The following CAMK4 variants were observed in gnomAD, a reference collection of about 807,000 sequenced individuals.
CAMK4 encodes the protein calcium/calmodulin-dependent protein kinase type IV.
CAMK4 carries 22 observed loss-of-function variants against 44.9 expected under a neutral mutation model. That is an observed-to-expected ratio of 0.49 (90% CI 0.35 to 0.70). The LOEUF (loss-of-function observed/expected upper bound fraction) is 0.70. Ranked by LOEUF, CAMK4 falls within the 30% of genes least tolerant of loss-of-function variation. The pLI is 0.01. For synonymous variants in CAMK4, 218 were observed against 215.4 expected, an observed-to-expected ratio of 1.01 and a Z score of -0.11; for missense variants, 498 against 586.8, an observed-to-expected ratio of 0.85 and a Z score of 1.56.
intron 7 of CAMK4, among the ~76,000 whole-genome samples, chr5:111,461,008 G>T (rs918529188): frequency 6.6e-6 from 1 of 151,994 alleles, no homozygotes; most frequent in South Asian, 2.1e-4. Flanking sequence ...TAATTCTTGC[G>T]GTAAGGAAGA....
At chr5:111,248,449 CT>C (rs2112534456) in intron 1 of CAMK4, among the ~76,000 whole-genome samples, 1 of 151,292 alleles carries the variant, frequency 6.6e-6, no homozygotes, top group Admixed American at 6.6e-5. Context: ...TTAGCACTTA[CT>C]TTTTAATGTG....
intron 1 of CAMK4, among the ~76,000 whole-genome samples, chr5:111,274,653 GA>G (rs1178271904): frequency 1.3e-5 from 2 of 152,138 alleles, no homozygotes; most frequent in East Asian, 1.9e-4. Context: ...TAATAGGACA[GA>G]AAAAAATAGC....
chr5:111,435,929 T>G (rs1753629584), intron 5 of CAMK4, among the ~76,000 whole-genome samples: 1 of 152,218 alleles, frequency 6.6e-6, no homozygotes, highest in African/African-American at 2.4e-5. Context: ...TATATACAAA[T>G]AAATATTATA....
chr5:111,464,799 C>T (rs900051752), intron 7 of CAMK4, among the ~76,000 whole-genome samples: 10 of 152,176 alleles, frequency 6.6e-5, no homozygotes, highest in Admixed American at 2.0e-4. Context: ...CCATAATCCT[C>T]AACTTAGTTT....
At chr5:111,434,353 T>G (rs1753572312) in intron 5 of CAMK4, among the ~76,000 whole-genome samples, 1 of 150,106 alleles carries the variant, frequency 6.7e-6, no homozygotes, top group African/African-American at 2.5e-5. Context: ...GTAGTGACAA[T>G]GTAAATGGGA....
At chr5:111,468,933 G>A (rs1005128180) in intron 7 of CAMK4, among the ~76,000 whole-genome samples, 6 of 151,430 alleles carry the variant, frequency 4.0e-5, no homozygotes, top group South Asian at 2.1e-4. Flanking sequence ...AGCTGAGATC[G>A]TGCCGCTGTA....
intron 1 of CAMK4, among the ~76,000 whole-genome samples, chr5:111,337,506 C>CT (rs34136669): frequency 0.058 from 7,582 of 131,086 alleles, 587 homozygotes; most frequent in African/African-American, 0.18. Context: ...CCTTGCCAGC[C>CT]TTTTTTTTTT....
chr5:111,373,377 G>T (rs1234435692), intron 2 of CAMK4, among the ~76,000 whole-genome samples: 1 of 151,794 alleles, frequency 6.6e-6, no homozygotes. Flanking sequence ...TTTAAATGAG[G>T]TACTCTAGGG....
intron 1 of CAMK4, among the ~76,000 whole-genome samples, chr5:111,330,867 TG>T (rs35604329): frequency 6.6e-6 from 1 of 151,568 alleles, no homozygotes; most frequent in Non-Finnish European, 1.5e-5. Flanking sequence ...GGCAGTGCAA[TG>T]GGGAAAGAAA....
intron 7 of CAMK4, among the ~76,000 whole-genome samples, chr5:111,453,005 A>G (rs1157450944): frequency 6.6e-6 from 1 of 152,250 alleles, no homozygotes; most frequent in African/African-American, 2.4e-5. Flanking sequence ...AAATGTAATT[A>G]CTATTATATA....
intron 1 of CAMK4, among the ~76,000 whole-genome samples, chr5:111,230,800 TTCTTTTTTTCC>T (rs1481336908): frequency 2.6e-5 from 4 of 152,122 alleles, no homozygotes; most frequent in Admixed American, 1.3e-4. Context: ...AATATTTTTT[TTCTTTTTTTCC>T]TCTTTTTTTT....
At chr5:111,287,045 T>C (rs1372699635) in intron 1 of CAMK4, among the ~76,000 whole-genome samples, 1 of 152,226 alleles carries the variant, frequency 6.6e-6, no homozygotes, top group Non-Finnish European at 1.5e-5. Context: ...ATCACCTCTT[T>C]GTTAAAAGAT....
intron 3 of CAMK4, among the ~76,000 whole-genome samples, chr5:111,375,752 C>A (rs1751191091): frequency 6.6e-6 from 1 of 152,144 alleles, no homozygotes; most frequent in Non-Finnish European, 1.5e-5. Flanking sequence ...GCTGCTGTTC[C>A]AGAACCCAAA....
intron 8 of CAMK4, among the ~76,000 whole-genome samples, chr5:111,474,210 A>C (rs1755159788): frequency 6.6e-6 from 1 of 152,202 alleles, no homozygotes; most frequent in Non-Finnish European, 1.5e-5. Context: ...AATTTAGAGA[A>C]ATTTTGAAGG....
intron 1 of CAMK4, among the ~76,000 whole-genome samples, chr5:111,279,682 T>A (rs189613978): frequency 6.6e-6 from 1 of 151,524 alleles, no homozygotes; most frequent in East Asian, 1.9e-4. Context: ...ATGGTACTCA[T>A]TATATTGCTT....
intron 7 of CAMK4, among the ~76,000 whole-genome samples, chr5:111,461,959 A>G (rs2112468194): frequency 6.6e-6 from 1 of 152,214 alleles, no homozygotes; most frequent in East Asian, 1.9e-4. Context: ...GAGTGGAAAG[A>G]ATTTTGAAAC....
At chr5:111,321,036 G>A (rs776170518) in intron 1 of CAMK4, among the ~76,000 whole-genome samples, 1 of 152,156 alleles carries the variant, frequency 6.6e-6, no homozygotes, top group Non-Finnish European at 1.5e-5. Flanking sequence ...TTATAAAGAG[G>A]TGACATGAAA....
In CAMK4 at chr5:111,484,719, C is replaced by CTTTAA. The variant is rs1755555722; in HGVS notation, c.*255_*256insTAATT. ...TCTTGCAAGTTAACACAACGTAACACTTAAAAGCATACATTTTCAGCAACC... is the reference window on the plus strand; with the variant it reads ...TCTTGCAAGTTAACACAACGTAACACTTTAATTAAAAGCATACATTTTCAGCAACC... On this transcript the variant is annotated 3_prime_UTR_variant, in exon 11 of 11. Transcript: ENST00000282356. The surrounding 1 kb of genome is among the most constrained non-coding windows in gnomAD (Gnocchi z 5.3). 9 of 329,958 alleles carry CTTTAA rather than the reference C, an allele frequency of 2.7e-5. No individual in the cohort carries two copies. In the East Asian group the frequency reaches 4.3e-4, roughly 16 times the overall value. The allele number at this position is 329,958 out of a possible 1,614,324, so 20.4% of individuals were successfully genotyped here.
chr5:111,443,243 CATATATATATATATAT>C (rs1232548245), intron 5 of CAMK4, among the ~76,000 whole-genome samples: 21 of 72,216 alleles, frequency 2.9e-4, no homozygotes, highest in Admixed American at 1.8e-3. Context: ...CTCCCCCTAC[CATATATATATATATAT>C]ATATATATAT....
Sources: gnomAD v4.1 joint callset for allele counts (sites outside exome capture counted in the v4.1 genomes callset) on GRCh38, gnomAD v4.1.1 for gene constraint, Gnocchi (gnomAD v3.1) non-coding constraint, MANE v1.5 for transcripts, NCBI Gene and HGNC (gene_info 2026-07-23, HGNC 2026-07-21) for gene names.